CACNA2D1: variants seen among roughly 807,000 people sequenced by gnomAD.
The protein encoded by CACNA2D1 is calcium voltage-gated channel auxiliary subunit alpha2delta 1, also known as voltage-dependent calcium channel subunit alpha-2/delta-1.
In CACNA2D1, 53 loss-of-function variants were observed where a neutral mutation model predicts 171.5. That is an observed-to-expected ratio of 0.31 (90% CI 0.25 to 0.39). The LOEUF (loss-of-function observed/expected upper bound fraction) is 0.39. CACNA2D1 is among the 10% of genes least tolerant of loss of function. The pLI, the probability that CACNA2D1 is intolerant of heterozygous loss-of-function variation, is 1.00. For synonymous variants in CACNA2D1, 442 were observed against 443.1 expected, an observed-to-expected ratio of 1.00 and a Z score of 0.03; for missense variants, 903 against 1,299.8, an observed-to-expected ratio of 0.69 and a Z score of 4.69.
intron 16 of CACNA2D1, among the ~76,000 whole-genome samples, chr7:82,006,150 G>A (rs911017149): frequency 9.2e-5 from 14 of 151,820 alleles, no homozygotes; most frequent in Middle Eastern, 3.4e-3. Context: ...GCTATTGTAC[G>A]GTCAGCCCTT....
At chr7:82,287,848 G>GT (rs5885282) in intron 3 of CACNA2D1, among the ~76,000 whole-genome samples, 37,153 of 149,762 alleles carry the variant, frequency 0.25, 4,937 homozygotes, top group African/African-American at 0.37. Context: ...ACTTTTTTTT[G>GT]TTTTTTTTTG....
intron 13 of CACNA2D1, 48 bp downstream of exon 13, chr7:82,014,353 C>A (rs1258834741): frequency 4.9e-6 from 5 of 1,017,038 alleles, no homozygotes; most frequent in Admixed American, 1.7e-5. Flanking sequence ...ATAACAACTA[C>A]CAAAATAGTT....
At chr7:82,203,048 C>G (rs60216784) in intron 3 of CACNA2D1, among the ~76,000 whole-genome samples, 16,387 of 152,098 alleles carry the variant, frequency 0.11, 1,101 homozygotes, top group East Asian at 0.2. Context: ...CCCGGTCCCC[C>G]CTAGGTGCTT....
chr7:82,154,022 G>C (rs1172800276), intron 4 of CACNA2D1, among the ~76,000 whole-genome samples: 1 of 152,146 alleles, frequency 6.6e-6, no homozygotes, highest in Non-Finnish European at 1.5e-5. Flanking sequence ...AGGAAATCAT[G>C]ATCACTAGCA....
chr7:82,394,984 T>C (rs1486393108), intron 1 of CACNA2D1, among the ~76,000 whole-genome samples: 4 of 152,188 alleles, frequency 2.6e-5, no homozygotes, highest in African/African-American at 4.8e-5. Flanking sequence ...TAAAACCTAA[T>C]GACAATTTCA....
intron 5 of CACNA2D1, among the ~76,000 whole-genome samples, chr7:82,117,948 C>T (rs183643732): frequency 5.3e-5 from 8 of 152,136 alleles, no homozygotes; most frequent in South Asian, 2.1e-4. Flanking sequence ...TAATGGTACA[C>T]GTGACAGAAA....
chr7:82,225,511 T>C (rs1262848454), intron 3 of CACNA2D1, among the ~76,000 whole-genome samples: 3 of 152,186 alleles, frequency 2.0e-5, no homozygotes, highest in Non-Finnish European at 2.9e-5. Flanking sequence ...CTCAGAAAAG[T>C]TGCACATCTT....
intron 3 of CACNA2D1, among the ~76,000 whole-genome samples, chr7:82,304,697 C>CTAGGAATA (rs1266631093): frequency 6.6e-6 from 1 of 151,876 alleles, no homozygotes; most frequent in East Asian, 1.9e-4. Context: ...TAACCAGAGG[C>CTAGGAATA]TAGGAATATT....
intron 18 of CACNA2D1, among the ~76,000 whole-genome samples, chr7:82,000,367 T>A (rs1188960531): frequency 6.6e-6 from 1 of 152,092 alleles, no homozygotes; most frequent in Non-Finnish European, 1.5e-5. Context: ...GGGACTGACA[T>A]ATATATATTT....
intron 12 of CACNA2D1, chr7:82,027,646 T>A (rs1375958594): frequency 2.0e-5 from 3 of 151,782 alleles, no homozygotes; most frequent in African/African-American, 7.2e-5. Flanking sequence ...TTTGTTGCAT[T>A]TTTTACAGAT....
At chr7:82,344,543 C>T (rs546328188) in intron 2 of CACNA2D1, among the ~76,000 whole-genome samples, 1 of 152,104 alleles carries the variant, frequency 6.6e-6, no homozygotes, top group African/African-American at 2.4e-5. Flanking sequence ...TGAGTTTATT[C>T]TGTGTCTTTG....
At chr7:82,400,036 G>T (rs1283967652) in intron 1 of CACNA2D1, among the ~76,000 whole-genome samples, 1 of 151,424 alleles carries the variant, frequency 6.6e-6, no homozygotes, top group African/African-American at 2.4e-5. Context: ...ATTTCTGAGG[G>T]CTCTGTTCTG....
rs1295381429 is a variant in CACNA2D1 at position 82,032,882 on chromosome 7, T to C, written c.1058A>G (p.Asn353Ser). 1 of 1,594,974 alleles carries C rather than the reference T, an allele frequency of 6.3e-7. No homozygotes were observed. The highest frequency in any genetic ancestry group is 1.1e-5 in the South Asian group (1 of 90,700). Residue 353 changes from asparagine (N) to serine (S), a missense_variant, in exon 12 of 39, where the codon AAC becomes AGC. This residue lies in a region of CACNA2D1 where 623 missense variants were observed against 925.5 expected (regional missense o/e 0.67). Coordinates refer to ENST00000356860, the MANE Select transcript of CACNA2D1 (RefSeq NM_000722.4). ...GAATAGCATAATAATCTTATTGCAG[T>C]TTGCTCTGGAAACATTATACTGTTA... ...QLLNYNVSRA[N>S]CNKIIMLFTD...
intron 4 of CACNA2D1, among the ~76,000 whole-genome samples, chr7:82,140,891 C>A (rs1792288727): frequency 7.0e-6 from 1 of 142,588 alleles, no homozygotes; most frequent in Non-Finnish European, 1.5e-5. Context: ...GGAGGTGGAG[C>A]TTGCAGTGAG....
intron 1 of CACNA2D1, among the ~76,000 whole-genome samples, chr7:82,365,653 T>C (rs557269420): frequency 3.9e-5 from 6 of 152,370 alleles, no homozygotes; most frequent in Admixed American, 1.3e-4. Context: ...AAGTTCATAA[T>C]TGTGCATCTC....
chr7:81,998,910 T>G (rs1363865816), intron 18 of CACNA2D1, among the ~76,000 whole-genome samples: 1 of 152,154 alleles, frequency 6.6e-6, no homozygotes, highest in East Asian at 1.9e-4. Context: ...AAGGATACTC[T>G]AAAGTTTACA....
At chr7:82,231,273 A>G (rs1480060021) in intron 3 of CACNA2D1, among the ~76,000 whole-genome samples, 1 of 152,216 alleles carries the variant, frequency 6.6e-6, no homozygotes. Flanking sequence ...CAGCATTCAA[A>G]TAAGTGCCCT....
At chr7:82,296,628 T>C (rs1812319828) in intron 3 of CACNA2D1, among the ~76,000 whole-genome samples, 1 of 152,156 alleles carries the variant, frequency 6.6e-6, no homozygotes. Flanking sequence ...AATGCAGCTA[T>C]AGCATTCCCT....
At chr7:82,414,452 C>T (rs1324288122) in intron 1 of CACNA2D1, among the ~76,000 whole-genome samples, 2 of 152,110 alleles carry the variant, frequency 1.3e-5, no homozygotes, top group Non-Finnish European at 2.9e-5. Flanking sequence ...GTTAAGGAAA[C>T]ATGAAACAAA....
Sources: gnomAD v4.1 joint callset for allele counts (sites outside exome capture counted in the v4.1 genomes callset) on GRCh38, gnomAD v4.1.1 for gene constraint, gnomAD v4.1.1 regional missense constraint, MANE v1.5 for transcripts, NCBI Gene and HGNC (gene_info 2026-07-23, HGNC 2026-07-21) for gene names.